BRAF: variants seen among roughly 807,000 people sequenced by gnomAD.
The protein encoded by BRAF is serine/threonine-protein kinase B-raf.
A neutral mutation model predicts 104.6 loss-of-function variants in BRAF; 16 were observed. The observed-to-expected ratio is 0.15, with a 90% CI of 0.10 to 0.23. BRAF has a LOEUF of 0.23. Among genes scored for constraint, BRAF ranks in the 10% least tolerant of loss-of-function variants. BRAF has a pLI of 1.00. For missense variants in BRAF, 541 were observed against 937.3 expected (o/e 0.58, Z 5.52); for synonymous variants, 310 against 341.6 (o/e 0.91, Z 1.02).
intron 1 of BRAF, among the ~76,000 whole-genome samples, chr7:140,856,969 G>C (rs563261175): frequency 6.6e-6 from 1 of 152,192 alleles, no homozygotes; most frequent in Non-Finnish European, 1.5e-5. Context: ...ATCAAAGAAA[G>C]AGTGGCATGA....
intron 2 of BRAF, among the ~76,000 whole-genome samples, chr7:140,844,170 C>T (rs952389768): frequency 3.9e-5 from 6 of 152,032 alleles, no homozygotes; most frequent in African/African-American, 1.2e-4. Context: ...CAAGTGTGCG[C>T]TCACCATTGC....
At chr7:140,730,094 AT>A (rs1334883940) in intron 19 of BRAF, among the ~76,000 whole-genome samples, 2 of 152,074 alleles carry the variant, frequency 1.3e-5, no homozygotes, top group African/African-American at 4.8e-5. Context: ...TAAGGAAAAC[AT>A]GGGAGTAACA....
In BRAF at chr7:140,724,586, A is replaced by G. The variant is rs149292777; in HGVS notation, c.*1908T>C. On this transcript the variant is annotated 3_prime_UTR_variant, in exon 20 of 20. Transcript: ENST00000644969. The stretch of plus-strand genomic sequence containing the variant: ...CATTTTACTAGGACAACCTTTTACA[A>G]GACAATGAAAATTTCAATAGGCTTT... 2,324 of 1,040,422 alleles carry G rather than the reference A, an allele frequency of 2.2e-3. 52 individuals carry two copies. In the African/African-American group the frequency reaches 0.035, roughly 16 times the overall value. 64.4% of individuals were successfully genotyped at this position (1,040,422 alleles called of 1,614,324 possible). A position where few individuals can be genotyped will look rare whatever the true frequency, so the allele number is the denominator to read the frequency against.
At chr7:140,869,007 C>T (rs1169822213) in intron 1 of BRAF, among the ~76,000 whole-genome samples, 2 of 152,104 alleles carry the variant, frequency 1.3e-5, no homozygotes, top group Non-Finnish European at 2.9e-5. Flanking sequence ...ATCCTCGACT[C>T]TACAGTTTAT....
At chr7:140,808,196 C>T (rs186703389) in intron 4 of BRAF, 134 bp from the exon 5 acceptor site, 9 of 717,280 alleles carry the variant, frequency 1.3e-5, no homozygotes, top group East Asian at 5.4e-5. Context: ...AATATTCCAT[C>T]GTTAGAAATT....
chr7:140,757,980 T>C (rs936970135), intron 14 of BRAF: 19 of 152,244 alleles, frequency 1.2e-4, no homozygotes, highest in African/African-American at 2.9e-4. Flanking sequence ...ATTGATAATA[T>C]TGCTATGCCA....
At chr7:140,763,186 G>A (rs1382214385) in intron 14 of BRAF, among the ~76,000 whole-genome samples, 6 of 152,086 alleles carry the variant, frequency 3.9e-5, no homozygotes, top group African/African-American at 9.7e-5. Context: ...AGGGGCGGCC[G>A]GGGAGAGGCG....
chr7:140,734,820 A>AAAAAAAAAAAAAAAG, intron 18 of BRAF, 50 bp from the exon 18 acceptor site: 1 of 1,370,528 alleles, frequency 7.3e-7, no homozygotes, highest in South Asian at 1.5e-5. Flanking sequence ...AAAAGAAAAA[A>AAAAAAAAAAAAAAAG]AAAGAAAGAA....
chr7:140,797,636 C>T (rs572123588), intron 7 of BRAF, among the ~76,000 whole-genome samples: 1 of 152,128 alleles, frequency 6.6e-6, no homozygotes, highest in Non-Finnish European at 1.5e-5. Context: ...ATGGCACAGG[C>T]AAATGGTTTC....
At chr7:140,747,440 CA>C in intron 17 of BRAF, 1 of 1,288,404 alleles carries the variant, frequency 7.8e-7, no homozygotes, top group Non-Finnish European at 1.0e-6. Context: ...CCATGGAGGA[CA>C]AAGCACCTAA....
intron 3 of BRAF, among the ~76,000 whole-genome samples, chr7:140,830,555 G>T (rs1562982871): frequency 6.6e-6 from 1 of 152,240 alleles, no homozygotes; most frequent in East Asian, 1.9e-4. Flanking sequence ...AGCATCTTTT[G>T]TTCCAACAAG....
intron 1 of BRAF, among the ~76,000 whole-genome samples, chr7:140,906,041 T>G (rs1471516097): frequency 8.9e-6 from 1 of 111,796 alleles, no homozygotes; most frequent in Non-Finnish European, 1.7e-5. Flanking sequence ...TGAGCCGAGA[T>G]CCCGCCACTG....
At chr7:140,715,721 G>A (rs530061339), downstream of BRAF, among the ~76,000 whole-genome samples, 2 of 152,328 alleles carry the variant, frequency 1.3e-5, no homozygotes, top group Admixed American at 6.5e-5. Flanking sequence ...AATACTTAAC[G>A]TGGGAGGAGT....
intron 1 of BRAF, among the ~76,000 whole-genome samples, chr7:140,901,111 AGT>A (rs1815579788): frequency 6.6e-6 from 1 of 152,234 alleles, no homozygotes; most frequent in Non-Finnish European, 1.5e-5. Context: ...TTATAAGCAA[AGT>A]GTGTCTATTT....
chr7:140,748,020 G>A (rs543767561), intron 17 of BRAF, among the ~76,000 whole-genome samples: 1 of 152,268 alleles, frequency 6.6e-6, no homozygotes, highest in East Asian at 1.9e-4. Context: ...CTAAAATTTA[G>A]TTTTATAATG....
intron 3 of BRAF, among the ~76,000 whole-genome samples, chr7:140,811,728 AGGTCTCAACCT>A: frequency 6.6e-6 from 1 of 152,324 alleles, no homozygotes; most frequent in South Asian, 2.1e-4. Context: ...TTAAGCCAAT[AGGTCTCAACCT>A]GTTGTAATGG....
intron 1 of BRAF, among the ~76,000 whole-genome samples, chr7:140,918,765 T>C (rs977652684): frequency 1.6e-4 from 24 of 152,358 alleles, no homozygotes; most frequent in African/African-American, 5.8e-4. Context: ...AGTACCTATG[T>C]GCCAGGTACT....
chr7:140,726,261 G>C lies in BRAF; in HGVS notation c.*233C>G, dbSNP rs954030886. The C allele has an allele frequency of 2.9e-6, 4 of 1,400,268 alleles. No homozygotes were observed. Among genetic ancestry groups the C allele is most frequent in the Admixed American group, 3.1e-5 (1 of 32,474 alleles). The allele number at this position is 1,400,268 out of a possible 1,614,324, so 86.7% of individuals were successfully genotyped here. On this transcript the variant is annotated 3_prime_UTR_variant, in exon 20 of 20. Coordinates refer to ENST00000644969, the MANE Select transcript of BRAF (RefSeq NM_001374258.1). Reference sequence around the variant, plus strand: ...TTTCTTCCTGGGACTGGGCAGACTTGTATGCTCGTGGTATTTTTGTTGAAG... The same window carrying C: ...TTTCTTCCTGGGACTGGGCAGACTTCTATGCTCGTGGTATTTTTGTTGAAG...
At chr7:140,907,890 G>A (rs946988052) in intron 1 of BRAF, among the ~76,000 whole-genome samples, 1 of 152,046 alleles carries the variant, frequency 6.6e-6, no homozygotes, top group Admixed American at 6.6e-5. Flanking sequence ...GATTACAGGT[G>A]CACCTCACCA....
Sources: allele counts gnomAD v4.1 joint callset (sites outside exome capture counted in the v4.1 genomes callset), GRCh38; gene constraint gnomAD v4.1.1; transcripts MANE v1.5; gene names NCBI Gene and HGNC (gene_info 2026-07-23, HGNC 2026-07-21).